The following TACC1 variants were observed in gnomAD, a reference collection of about 807,000 sequenced individuals.
TACC1 encodes the protein transforming acidic coiled-coil-containing protein 1.
TACC1 carries 48 observed loss-of-function variants against 84.4 expected under a neutral mutation model. That is an observed-to-expected ratio of 0.57 (90% CI 0.45 to 0.72). The LOEUF (loss-of-function observed/expected upper bound fraction) is 0.72. TACC1 is among the 30% of genes least tolerant of loss of function. TACC1 has a pLI of 0.00. For missense variants in TACC1, 920 were observed against 973.0 expected (o/e 0.95, Z 0.72); for synonymous variants, 372 against 376.3 (o/e 0.99, Z 0.13).
chr8:38,839,151 A>G (rs928944951), intron 8 of TACC1: 10 of 333,512 alleles, frequency 3.0e-5, no homozygotes, highest in African/African-American at 2.1e-4. Context: ...AGCCTCCCAA[A>G]GTGCTGGGAT....
intron 3 of TACC1, among the ~76,000 whole-genome samples, chr8:38,756,086 T>G (rs1206343044): frequency 6.6e-6 from 1 of 151,998 alleles, no homozygotes; most frequent in Non-Finnish European, 1.5e-5. Flanking sequence ...AGTGCTGGGA[T>G]TACAGGTGTG....
At chr8:38,798,812 A>G (rs1250659612) in intron 2 of TACC1, among the ~76,000 whole-genome samples, 1 of 152,006 alleles carries the variant, frequency 6.6e-6, no homozygotes, top group African/African-American at 2.4e-5. Context: ...TGCAGCCCAT[A>G]CCCTTAGATT....
intron 8 of TACC1, chr8:38,839,232 T>C: frequency 1.0e-5 from 4 of 383,562 alleles, no homozygotes; most frequent in Non-Finnish European, 1.4e-5. Flanking sequence ...AGTTTCAAAT[T>C]ACATAACCAC....
At chr8:38,769,747 G>A (rs1281041407) in intron 3 of TACC1, among the ~76,000 whole-genome samples, 1 of 147,136 alleles carries the variant, frequency 6.8e-6, no homozygotes, top group Non-Finnish European at 1.5e-5. Flanking sequence ...GAAGGTGTGT[G>A]GTGTGTGTAT....
At chr8:38,780,397 C>G (rs754051484) in intron 3 of TACC1, among the ~76,000 whole-genome samples, 26 of 152,078 alleles carry the variant, frequency 1.7e-4, no homozygotes, top group Non-Finnish European at 1.2e-4. Flanking sequence ...GAGTCTCGCT[C>G]TGTTGCCCAG....
intron 3 of TACC1, among the ~76,000 whole-genome samples, chr8:38,745,697 C>T (rs1807958636): frequency 6.6e-6 from 1 of 152,106 alleles, no homozygotes; most frequent in Non-Finnish European, 1.5e-5. Context: ...GCGCACGCCA[C>T]CACACCCAGC....
intron 3 of TACC1, among the ~76,000 whole-genome samples, chr8:38,759,996 C>T (rs971694131): frequency 2.0e-5 from 3 of 151,758 alleles, no homozygotes; most frequent in African/African-American, 7.3e-5. Flanking sequence ...AGTTCTCCTA[C>T]TGAGGCTGTA....
chr8:38,782,678 G>A (rs1317843173), upstream of TACC1, among the ~76,000 whole-genome samples: 1 of 152,198 alleles, frequency 6.6e-6, no homozygotes, highest in Non-Finnish European at 1.5e-5. Context: ...AACAGGCTCT[G>A]TAAATACAAT....
chr8:38,832,035 G>C (rs1829364165), intron 6 of TACC1, among the ~76,000 whole-genome samples: 1 of 152,106 alleles, frequency 6.6e-6, no homozygotes, highest in South Asian at 2.1e-4. Context: ...TCAAACTCCT[G>C]ACCTCAGGTG....
intron 3 of TACC1, among the ~76,000 whole-genome samples, chr8:38,763,371 A>AG (rs1318873973): frequency 6.6e-6 from 1 of 152,118 alleles, no homozygotes; most frequent in Non-Finnish European, 1.5e-5. Context: ...CCCAGGATAT[A>AG]GTCTCAAACT....
chr8:38,794,579 T>C (rs1475172165), intron 2 of TACC1, among the ~76,000 whole-genome samples: 3 of 148,598 alleles, frequency 2.0e-5, no homozygotes, highest in Non-Finnish European at 3.0e-5. Flanking sequence ...TGTGTGTGTG[T>C]GCGTGCTATA....
chr8:38,829,577 T>TGTTAATTACAGGA (rs1828809384), intron 5 of TACC1, among the ~76,000 whole-genome samples: 1 of 152,188 alleles, frequency 6.6e-6, no homozygotes, highest in Non-Finnish European at 1.5e-5. Context: ...TAGCGCAGTG[T>TGTTAATTACAGGA]GTTAATTACA....
chr8:38,729,728 G>A (rs770504027), intron 1 of TACC1, among the ~76,000 whole-genome samples: 1 of 152,030 alleles, frequency 6.6e-6, no homozygotes, highest in African/African-American at 2.4e-5. Context: ...AATTAGCTGG[G>A]CGTGGTGGCA....
intron 3 of TACC1, among the ~76,000 whole-genome samples, chr8:38,761,110 C>G (rs1811126575): frequency 6.6e-6 from 1 of 151,988 alleles, no homozygotes; most frequent in African/African-American, 2.4e-5. Flanking sequence ...GTTGTACTAC[C>G]AAGAGGATGG....
chr8:38,818,534 C>T (rs1825944988), intron 2 of TACC1, among the ~76,000 whole-genome samples: 2 of 152,160 alleles, frequency 1.3e-5, no homozygotes, highest in African/African-American at 4.8e-5. Context: ...TAGAGAATTC[C>T]TGGTCCGACT....
intron 3 of TACC1, among the ~76,000 whole-genome samples, chr8:38,758,429 G>C (rs1810535188): frequency 6.6e-6 from 1 of 152,130 alleles, no homozygotes; most frequent in Non-Finnish European, 1.5e-5. Context: ...TGTAATCCCA[G>C]CACTTTGGGA....
At chr8:38,756,065 A>C (rs1809982736) in intron 3 of TACC1, among the ~76,000 whole-genome samples, 1 of 151,832 alleles carries the variant, frequency 6.6e-6, no homozygotes, top group African/African-American at 2.4e-5. Flanking sequence ...TCCACCCCCT[A>C]GGCCTCCCAA....
At chr8:38,782,435 G>A (rs539080934), upstream of TACC1, among the ~76,000 whole-genome samples, 60 of 152,194 alleles carry the variant, frequency 3.9e-4, no homozygotes, top group Admixed American at 7.9e-4. Context: ...GGACATTTGG[G>A]TTGGTTCCAA....
At chr8:38,808,809 C>T (rs1186936499) in intron 2 of TACC1, among the ~76,000 whole-genome samples, 1 of 152,164 alleles carries the variant, frequency 6.6e-6, no homozygotes, top group Non-Finnish European at 1.5e-5. Flanking sequence ...CCCAAACATA[C>T]CTTTTCAAGT....
Sources: gnomAD v4.1 joint callset for allele counts (sites outside exome capture counted in the v4.1 genomes callset) on GRCh38, gnomAD v4.1.1 for gene constraint, MANE v1.5 for transcripts, NCBI Gene and HGNC (gene_info 2026-07-23, HGNC 2026-07-21) for gene names.